Variants in TANC2 observed in about 807,000 individuals in gnomAD.
The protein encoded by TANC2 is tetratricopeptide repeat, ankyrin repeat and coiled-coil containing 2.
A neutral mutation model predicts 210.5 loss-of-function variants in TANC2; 26 were observed. That is an observed-to-expected ratio of 0.12 (90% CI 0.09 to 0.17). The LOEUF (loss-of-function observed/expected upper bound fraction) is 0.17, where lower values mean the gene tolerates loss of function less well. Among genes scored for constraint, TANC2 ranks in the 10% least tolerant of loss-of-function variants. The pLI, the probability that TANC2 is intolerant of heterozygous loss-of-function variation, is 1.00. For synonymous variants in TANC2, 931 were observed against 967.1 expected (o/e 0.96, Z 0.69); for missense variants, 2,129 against 2,608.9 (o/e 0.82, Z 4.01).
chr17:63,342,999 AAC>A (rs930157745), intron 12 of TANC2, among the ~76,000 whole-genome samples: 5 of 152,224 alleles, frequency 3.3e-5, no homozygotes, highest in African/African-American at 1.2e-4. Flanking sequence ...AATAGCTGGA[AAC>A]ACAATTTTCC....
chr17:63,322,246 C>T (rs1456698131), intron 11 of TANC2, among the ~76,000 whole-genome samples: 10 of 152,166 alleles, frequency 6.6e-5, no homozygotes, highest in Admixed American at 2.0e-4. Context: ...TCCCTGTAAT[C>T]CCAGCACTTT....
chr17:63,023,113 A>G (rs1052905697), intron 2 of TANC2, among the ~76,000 whole-genome samples: 1 of 152,204 alleles, frequency 6.6e-6, no homozygotes, highest in Non-Finnish European at 1.5e-5. Context: ...TACAAGGGCA[A>G]TGCCTATGAG....
At chr17:63,241,868 A>G (rs1211367861) in intron 8 of TANC2, among the ~76,000 whole-genome samples, 1 of 152,222 alleles carries the variant, frequency 6.6e-6, no homozygotes, top group East Asian at 1.9e-4. Context: ...CTATACTGAT[A>G]CAAGATAGCA....
chr17:63,380,607 T>A (rs886863710), intron 15 of TANC2, among the ~76,000 whole-genome samples: 2 of 152,246 alleles, frequency 1.3e-5, no homozygotes, highest in African/African-American at 2.4e-5. Context: ...GTCTGAGAGT[T>A]CCAATCCCTA....
At chr17:63,299,474 A>G (rs1180382141) in intron 9 of TANC2, among the ~76,000 whole-genome samples, 1 of 150,814 alleles carries the variant, frequency 6.6e-6, no homozygotes, top group East Asian at 1.9e-4. Context: ...TCCGACTGGC[A>G]TGAGATGGTA....
chr17:63,289,621 G>A (rs987182144), intron 9 of TANC2, among the ~76,000 whole-genome samples: 6 of 151,928 alleles, frequency 3.9e-5, no homozygotes, highest in African/African-American at 7.3e-5. Flanking sequence ...ATCCATTAGC[G>A]CCTTTAACGT....
chr17:63,328,269 A>G (rs2045716862), intron 11 of TANC2, among the ~76,000 whole-genome samples: 1 of 152,120 alleles, frequency 6.6e-6, no homozygotes, highest in East Asian at 1.9e-4. Flanking sequence ...CTGTACACCA[A>G]ACCCCAAGCA....
chr17:63,208,967 T>C (rs1247786701), intron 7 of TANC2, among the ~76,000 whole-genome samples: 1 of 152,142 alleles, frequency 6.6e-6, no homozygotes, highest in East Asian at 1.9e-4. Context: ...CCTATCCTTA[T>C]ATCATGTATT....
At chr17:63,144,438 C>A (rs998730349) in intron 4 of TANC2, among the ~76,000 whole-genome samples, 1 of 152,102 alleles carries the variant, frequency 6.6e-6, no homozygotes, top group African/African-American at 2.4e-5. Flanking sequence ...ACAGAGAAAT[C>A]AGATATCTAA....
chr17:63,165,011 A>G (rs2040163878), intron 5 of TANC2, among the ~76,000 whole-genome samples: 3 of 152,144 alleles, frequency 2.0e-5, no homozygotes, highest in African/African-American at 7.2e-5. Flanking sequence ...GCCAGGTGCA[A>G]TGGCTCACAC....
chr17:62,996,994 T>TTTTTTTTTTTTTTTTTTTTTTGAGACGG (rs2033144497), intron 1 of TANC2, among the ~76,000 whole-genome samples: 1 of 143,656 alleles, frequency 7.0e-6, no homozygotes, highest in African/African-American at 2.7e-5. Context: ...TTTGTATTTT[T>TTTTTTTTTTTTTTTTTTTTTTGAGACGG]AGTATAGATG....
chr17:63,252,761 A>G (rs1272167772), intron 8 of TANC2, among the ~76,000 whole-genome samples: 2 of 152,160 alleles, frequency 1.3e-5, no homozygotes, highest in South Asian at 2.1e-4. Flanking sequence ...CATTGTGTGT[A>G]TGTACCACAT....
chr17:63,112,400 A>G (rs2038084934), intron 4 of TANC2, among the ~76,000 whole-genome samples: 1 of 152,182 alleles, frequency 6.6e-6, no homozygotes, highest in Non-Finnish European at 1.5e-5. Flanking sequence ...CAGGGAGGAC[A>G]AGTAGTCAGC....
At chr17:63,389,853 G>A in intron 17 of TANC2, 1 of 349,216 alleles carries the variant, frequency 2.9e-6, no homozygotes, top group South Asian at 2.6e-5. Context: ...TTAACAAAGA[G>A]AGGAAGGAGA....
intron 7 of TANC2, among the ~76,000 whole-genome samples, chr17:63,214,645 C>T (rs1200877520): frequency 1.3e-5 from 2 of 152,302 alleles, no homozygotes; most frequent in South Asian, 2.1e-4. Flanking sequence ...AGACATGCTT[C>T]CTCAGGCCTG....
In TANC2 at chr17:63,351,490, C is replaced by G. The variant is rs1332339975; in HGVS notation, c.1974+74C>G. 5 of 1,297,126 alleles carry G rather than the reference C, an allele frequency of 3.9e-6. No individual in the cohort carries two copies. The East Asian group carries it at 1.3e-4, about 34-fold the overall frequency. 80.4% of individuals were successfully genotyped at this position (1,297,126 alleles called of 1,614,324 possible). A position where few individuals can be genotyped will look rare whatever the true frequency, so the allele number is the denominator to read the frequency against. ...GCTTAGACTGAAAAAGTTCTAGGTC[C>G]TAGTTTCATAAACTTCTACTATGTC... On this transcript the variant is annotated intron_variant, in intron 13 of 27. Transcript: ENST00000689528.
exon 28 of TANC2, chr17:63,422,340 T>C (rs556375344): frequency 3.7e-5 from 7 of 189,284 alleles, no homozygotes; most frequent in African/African-American, 1.4e-4. Context: ...GTGTTCTTGT[T>C]CGTTTTCTTC....
At chr17:63,122,862 A>G (rs778917992) in intron 4 of TANC2, among the ~76,000 whole-genome samples, 1 of 152,242 alleles carries the variant, frequency 6.6e-6, no homozygotes, top group Non-Finnish European at 1.5e-5. Context: ...ATTGTTTATT[A>G]TGTAGACTAG....
At chr17:63,081,953 CAGG>C (rs1305825349) in intron 3 of TANC2, among the ~76,000 whole-genome samples, 1 of 152,006 alleles carries the variant, frequency 6.6e-6, no homozygotes, top group East Asian at 1.9e-4. Flanking sequence ...ATCACGAGAT[CAGG>C]AGATCAAGAC....
Sources: allele counts gnomAD v4.1 joint callset (sites outside exome capture counted in the v4.1 genomes callset), GRCh38; gene constraint gnomAD v4.1.1; transcripts MANE v1.5; gene names NCBI Gene and HGNC (gene_info 2026-07-23, HGNC 2026-07-21).